Variants in FNDC1 observed in about 807,000 individuals in gnomAD.
FNDC1 encodes the protein fibronectin type III domain containing 1, also known as fibronectin type III domain-containing protein 1.
A neutral mutation model predicts 168.0 loss-of-function variants in FNDC1; 96 were observed. The ratio of observed to expected loss-of-function variants is 0.57; its 90% confidence interval spans 0.48 to 0.68. FNDC1 has a LOEUF of 0.68. Ranked by LOEUF, FNDC1 falls within the 30% of genes least tolerant of loss-of-function variation. The pLI is 0.00. For synonymous variants in FNDC1, 1,099 were observed against 1,025.9 expected (o/e 1.07, Z -1.36); for missense variants, 2,587 against 2,482.1 (o/e 1.04, Z -0.90).
At chr6:159,246,602 A>G (rs1408748656) in intron 14 of FNDC1, among the ~76,000 whole-genome samples, 1 of 152,048 alleles carries the variant, frequency 6.6e-6, no homozygotes, top group Non-Finnish European at 1.5e-5. Context: ...AGGTGGTGGG[A>G]GGGAGGTGAG....
chr6:159,261,178 T>C lies in FNDC1; in HGVS notation c.5175-12T>C, dbSNP rs771698577. On this transcript the variant is annotated splice_polypyrimidine_tract_variant and intron_variant, in intron 18 of 22. Coordinates refer to ENST00000297267, the MANE Select transcript of FNDC1 (RefSeq NM_032532.3). The stretch of plus-strand genomic sequence containing the variant: ...CATGTCTCTTTCAAAATATATCTTC[T>C]TCCAACTTCAGGTATTATTTTAAAG... The C allele has an allele frequency of 6.3e-7, 1 of 1,597,536 alleles. No individual in the cohort carries two copies. Among genetic ancestry groups the C allele is most frequent in the South Asian group, 1.1e-5 (1 of 89,682 alleles).
At chr6:159,245,497 G>C (rs1783521979) in intron 14 of FNDC1, among the ~76,000 whole-genome samples, 1 of 151,684 alleles carries the variant, frequency 6.6e-6, no homozygotes, top group Non-Finnish European at 1.5e-5. Context: ...TTTTTTTTTA[G>C]CTATAAAACC....
rs1783105999 is a variant in FNDC1 at position 159,232,343 on chromosome 6, G to A, written c.1831G>A (p.Gly611Arg). ...TTCCCTGGCCACGCAGCCCCGCCCA[G>A]GGGCGCCCCCCTCGGCTTCGGCCTC... The part of the protein sequence containing the change: ...GFSLATQPRP[G>R]APPSASASPA... Residue 611 changes from glycine to arginine, a missense_variant, in exon 11 of 23, where the codon GGG becomes AGG. By Grantham distance (125) the Gly-to-Arg change is moderately radical. Coordinates refer to ENST00000297267, the MANE Select transcript of FNDC1 (RefSeq NM_032532.3). This position sits in a 1 kb window ranked among gnomAD's most constrained non-coding sequence, Gnocchi z 4.9. The A allele has an allele frequency of 6.2e-7, 1 of 1,613,516 alleles. No homozygotes were observed. The highest frequency in any genetic ancestry group is 1.7e-5 in the Admixed American group (1 of 59,984).
rs1035142263 is a variant in FNDC1, at chr6:159,200,289, C to T, written c.391+207C>T. On this transcript the variant is annotated intron_variant, in intron 3 of 22. Coordinates refer to ENST00000297267, the MANE Select transcript of FNDC1 (RefSeq NM_032532.3). ...AAATAGTTTTAATGTAGGTTATTAG[C>T]ATTTCATCCAGATGTTTTGAATACT... Among the ~76,000 whole-genome samples the T allele has an allele frequency of 4.6e-5, 7 of 152,198 alleles. No homozygotes were observed. In the South Asian group the frequency reaches 6.2e-4, roughly 14 times the overall value.
At chr6:159,261,839 T>A (rs1777491149) in intron 19 of FNDC1, among the ~76,000 whole-genome samples, 1 of 152,196 alleles carries the variant, frequency 6.6e-6, no homozygotes, top group South Asian at 2.1e-4. Context: ...TGGTGGCTCA[T>A]GCCTGTAATC....
At chr6:159,270,138 T>C (rs1373336935) in intron 22 of FNDC1, among the ~76,000 whole-genome samples, 2 of 152,176 alleles carry the variant, frequency 1.3e-5, no homozygotes, top group Non-Finnish European at 2.9e-5. Context: ...TGCAGTGACC[T>C]AGAGGTGACC....
intron 4 of FNDC1, among the ~76,000 whole-genome samples, chr6:159,205,388 A>G (rs551677680): frequency 6.6e-6 from 1 of 152,344 alleles, no homozygotes; most frequent in Non-Finnish European, 1.5e-5. Context: ...GTTTATTTAA[A>G]TATGACTGAT....
chr6:159,232,404 A>T lies in FNDC1; in HGVS notation c.1892A>T (p.His631Leu), dbSNP rs371039982. Residue 631 changes from histidine (H) to leucine (L), a missense_variant, in exon 11 of 23, where the codon CAT becomes CTT. By Grantham distance (99) the His-to-Leu change is moderately conservative. Transcript: ENST00000297267. The surrounding 1 kb of genome is among the most constrained non-coding windows in gnomAD (Gnocchi z 4.9). The part of the protein sequence containing the change: ...AHHASTQGTS[H>L]RPSLPASLND... ...CACGCGTCCACCCAGGGCACCTCTC[A>T]TCGTCCTTCCCTGCCTGCCAGCTTG... The T allele has an allele frequency of 1.9e-6, 3 of 1,612,246 alleles. No individual in the cohort carries two copies. The highest frequency in any genetic ancestry group is 2.5e-6 in the Non-Finnish European group (3 of 1,178,874).
Position 159,205,621 on chromosome 6 carries a change from A to G in FNDC1, c.460+5040A>G, listed in dbSNP as rs190123210. Among the ~76,000 whole-genome samples, 912 of 152,322 alleles carry G rather than the reference A, an allele frequency of 6.0e-3. 12 individuals are homozygous for G. The highest frequency in any genetic ancestry group is 0.021 in the African/African-American group (869 of 41,560). ...CTATGAAATGATGGGATTCAACAAG[A>G]GGCTTCTAGGTTCCTTTCTAAGAAC... On this transcript the variant is annotated intron_variant, in intron 4 of 22. Transcript: ENST00000297267.
At position 159,226,552 on chromosome 6, in the gene FNDC1, G is replaced by T; in HGVS notation, c.1152G>T (p.Ala384=). ...KPTVVAASWD[A]LPETEGKVKE... ...CAGTTGTCGCTGCATCTTGGGATGC[G>T]CTACCAGAGACTGAGGGGAAAGTGA... Residue 384 remains alanine, a synonymous_variant, in exon 9 of 23, where the codon GCG becomes GCT. Coordinates refer to ENST00000297267, the MANE Select transcript of FNDC1 (RefSeq NM_032532.3). 1 of 1,608,086 alleles carries T rather than the reference G, an allele frequency of 6.2e-7. No homozygotes were observed. The highest frequency in any genetic ancestry group is 8.5e-7 in the Non-Finnish European group (1 of 1,177,144).
chr6:159,206,512 C>T (rs980748513), intron 4 of FNDC1, among the ~76,000 whole-genome samples: 7 of 152,150 alleles, frequency 4.6e-5, no homozygotes, highest in South Asian at 4.1e-4. Context: ...ATGCATTTGG[C>T]GGTTGCTTCT....
At chr6:159,229,199 T>C (rs555900614) in intron 9 of FNDC1, among the ~76,000 whole-genome samples, 3 of 152,354 alleles carry the variant, frequency 2.0e-5, no homozygotes, top group Admixed American at 6.5e-5. Flanking sequence ...CAATTAAAGA[T>C]GGAAACATTA....
At chr6:159,268,877 C>T (rs906735003) in intron 22 of FNDC1, among the ~76,000 whole-genome samples, 4 of 149,228 alleles carry the variant, frequency 2.7e-5, no homozygotes, top group Non-Finnish European at 5.9e-5. Flanking sequence ...TACTGTCTAT[C>T]CTTATATTTA....
At chr6:159,238,698 C>T in intron 13 of FNDC1, 33 bp downstream of exon 13, 1 of 1,380,574 alleles carries the variant, frequency 7.2e-7, no homozygotes, top group South Asian at 1.3e-5. Flanking sequence ...GAATAAAAGC[C>T]TACTGAATTA....
chr6:159,269,234 T>C (rs538190034), intron 22 of FNDC1, among the ~76,000 whole-genome samples: 15,529 of 128,750 alleles, frequency 0.12, 1,194 homozygotes, highest in East Asian at 0.27. Flanking sequence ...TCTATCTATC[T>C]ATCTATCTAT....
At chr6:159,248,568 T>G (rs929174957) in intron 15 of FNDC1, among the ~76,000 whole-genome samples, 1 of 152,172 alleles carries the variant, frequency 6.6e-6, no homozygotes, top group African/African-American at 2.4e-5. Context: ...CCTCCCAAAG[T>G]GCTGGGATTA....
chr6:159,247,662 T>C (rs1777165815), intron 15 of FNDC1, among the ~76,000 whole-genome samples: 1 of 152,156 alleles, frequency 6.6e-6, no homozygotes, highest in Non-Finnish European at 1.5e-5. Flanking sequence ...GACAGGTGGA[T>C]TGTTTTCAGC....
chr6:159,216,164 G>T (rs940035432), intron 5 of FNDC1, among the ~76,000 whole-genome samples: 3 of 152,188 alleles, frequency 2.0e-5, no homozygotes, highest in African/African-American at 7.2e-5. Flanking sequence ...GTTTCACCAT[G>T]TTGGCCAGGC....
At chr6:159,227,403 A>T (rs1782975658) in intron 9 of FNDC1, among the ~76,000 whole-genome samples, 1 of 152,196 alleles carries the variant, frequency 6.6e-6, no homozygotes, top group East Asian at 1.9e-4. Context: ...AGAAACTATG[A>T]AATGTTTGTG....
Sources: allele counts gnomAD v4.1 joint callset (sites outside exome capture counted in the v4.1 genomes callset), GRCh38; gene constraint gnomAD v4.1.1; non-coding constraint Gnocchi (gnomAD v3.1); transcripts MANE v1.5; gene names NCBI Gene and HGNC (gene_info 2026-07-23, HGNC 2026-07-21).